Variants in ALCAM observed in about 807,000 individuals in gnomAD.
ALCAM encodes activated leukocyte cell adhesion molecule.
In ALCAM, 30 loss-of-function variants were observed where a neutral mutation model predicts 70.9. The observed-to-expected ratio is 0.42, with a 90% CI of 0.32 to 0.57. The LOEUF is 0.57. Among genes scored for constraint, ALCAM ranks in the 20% least tolerant of loss-of-function variants. ALCAM has a pLI of 0.11. For missense variants in ALCAM, 591 were observed against 695.1 expected, an observed-to-expected ratio of 0.85 and a Z score of 1.68; for synonymous variants, 249 against 242.5, an observed-to-expected ratio of 1.03 and a Z score of -0.25.
At chr3:105,448,029 A>G (rs1388495964) in intron 1 of ALCAM, among the ~76,000 whole-genome samples, 2 of 152,204 alleles carry the variant, frequency 1.3e-5, no homozygotes, top group African/African-American at 4.8e-5. Context: ...ACCTTGATAT[A>G]TGATTTCACT....
At chr3:105,455,600 A>G (rs1937525710) in intron 1 of ALCAM, among the ~76,000 whole-genome samples, 1 of 152,216 alleles carries the variant, frequency 6.6e-6, no homozygotes, top group Non-Finnish European at 1.5e-5. Context: ...TGGAGCTCAG[A>G]TACCAGACAA....
chr3:105,528,569 T>TA (rs1435082086), intron 3 of ALCAM, among the ~76,000 whole-genome samples: 13 of 152,174 alleles, frequency 8.5e-5, no homozygotes, highest in African/African-American at 3.1e-4. Context: ...TAATGGGTAT[T>TA]AGTGAAAGCC....
At chr3:105,395,374 C>T (rs1935924540) in intron 1 of ALCAM, among the ~76,000 whole-genome samples, 1 of 151,904 alleles carries the variant, frequency 6.6e-6, no homozygotes, top group South Asian at 2.1e-4. Context: ...TTGGAGAGTA[C>T]ACAGAAATAG....
intron 14 of ALCAM, among the ~76,000 whole-genome samples, chr3:105,553,345 C>T (rs1272703561): frequency 6.6e-6 from 1 of 151,752 alleles, no homozygotes; most frequent in African/African-American, 2.4e-5. Context: ...GGGTGGGGTT[C>T]CAGCATCTGC....
At chr3:105,503,597 T>C (rs1299818454) in intron 1 of ALCAM, among the ~76,000 whole-genome samples, 2 of 152,124 alleles carry the variant, frequency 1.3e-5, no homozygotes, top group African/African-American at 2.4e-5. Context: ...TGCCATAATT[T>C]TCAATAGCAA....
intron 1 of ALCAM, among the ~76,000 whole-genome samples, chr3:105,420,188 G>A (rs923823458): frequency 7.3e-5 from 11 of 151,306 alleles, no homozygotes; most frequent in Admixed American, 1.3e-4. Context: ...CTAACATCTC[G>A]AAAAGAGCCA....
intron 1 of ALCAM, among the ~76,000 whole-genome samples, chr3:105,382,068 T>G (rs2107335963): frequency 6.6e-6 from 1 of 151,334 alleles, no homozygotes; most frequent in African/African-American, 2.4e-5. Context: ...TAGGTATGTC[T>G]CCTAATGCTA....
chr3:105,541,918 A>G (rs1940127045), intron 8 of ALCAM, among the ~76,000 whole-genome samples, 153 bp downstream of exon 8: 1 of 151,908 alleles, frequency 6.6e-6, no homozygotes, highest in Admixed American at 6.6e-5. Context: ...GATAAGCTCA[A>G]CTTTGTCCAG....
At chr3:105,546,425 ACT>A (rs1354428023) in intron 9 of ALCAM, among the ~76,000 whole-genome samples, 2 of 151,202 alleles carry the variant, frequency 1.3e-5, no homozygotes, top group African/African-American at 2.4e-5. Flanking sequence ...TTCTTATTGT[ACT>A]CTCTTTCAGC....
chr3:105,491,396 C>T (rs1252227755), intron 1 of ALCAM, among the ~76,000 whole-genome samples: 1 of 152,200 alleles, frequency 6.6e-6, no homozygotes, highest in Non-Finnish European at 1.5e-5. Context: ...ATTACTTAGG[C>T]AAATTTCTAC....
intron 1 of ALCAM, among the ~76,000 whole-genome samples, chr3:105,387,001 G>A (rs981257062): frequency 4.6e-5 from 7 of 151,356 alleles, no homozygotes; most frequent in Admixed American, 1.3e-4. Flanking sequence ...TTGAATGTTC[G>A]TGACAGTTCA....
chr3:105,476,158 AC>A (rs1279091050), intron 1 of ALCAM, among the ~76,000 whole-genome samples: 3 of 151,944 alleles, frequency 2.0e-5, no homozygotes, highest in East Asian at 3.9e-4. Context: ...TCTTTGAAAC[AC>A]CTTGTTCCTG....
intron 14 of ALCAM, among the ~76,000 whole-genome samples, chr3:105,559,538 T>C (rs1940589664): frequency 6.6e-6 from 1 of 151,948 alleles, no homozygotes; most frequent in African/African-American, 2.4e-5. Context: ...CAAAGTCCCT[T>C]TTAGGAGGGC....
At chr3:105,550,042 T>G (rs1399156775) in intron 11 of ALCAM, 85 bp from the exon 12 acceptor site, 4 of 1,311,942 alleles carry the variant, frequency 3.0e-6, no homozygotes, top group African/African-American at 1.5e-5. Context: ...GCACCACGCC[T>G]ATCCTATTAC....
chr3:105,493,500 T>C (rs1273869927), intron 1 of ALCAM, among the ~76,000 whole-genome samples: 1 of 152,082 alleles, frequency 6.6e-6, no homozygotes, highest in Non-Finnish European at 1.5e-5. Flanking sequence ...TCATGGATTA[T>C]CCAGTCGGGC....
chr3:105,415,922 CT>C (rs1177139085), intron 1 of ALCAM, among the ~76,000 whole-genome samples: 1 of 151,998 alleles, frequency 6.6e-6, no homozygotes, highest in Non-Finnish European at 1.5e-5. Flanking sequence ...TTGTTTTTGG[CT>C]TTTCAAATTG....
chr3:105,384,199 T>G (rs1576124132), intron 1 of ALCAM, among the ~76,000 whole-genome samples: 1 of 151,674 alleles, frequency 6.6e-6, no homozygotes, highest in East Asian at 1.9e-4. Flanking sequence ...GAATGATGTT[T>G]CATTTTTACT....
At chr3:105,408,844 A>T (rs1208671702) in intron 1 of ALCAM, among the ~76,000 whole-genome samples, 1 of 151,652 alleles carries the variant, frequency 6.6e-6, no homozygotes, top group Non-Finnish European at 1.5e-5. Flanking sequence ...GAATTCAAAT[A>T]AATCAGCAAG....
intron 1 of ALCAM, among the ~76,000 whole-genome samples, chr3:105,506,664 G>A (rs573951995): frequency 6.6e-6 from 1 of 152,188 alleles, no homozygotes; most frequent in African/African-American, 2.4e-5. Context: ...CAGAGCCAAA[G>A]ACGTAATATT....
Sources: allele counts gnomAD v4.1 joint callset (sites outside exome capture counted in the v4.1 genomes callset), GRCh38; gene constraint gnomAD v4.1.1; transcripts MANE v1.5; gene names NCBI Gene and HGNC (gene_info 2026-07-23, HGNC 2026-07-21).